HS3ST5: variants seen among roughly 807,000 people sequenced by gnomAD.
HS3ST5 encodes the protein heparan sulfate glucosamine 3-O-sulfotransferase 5.
A neutral mutation model predicts 25.4 loss-of-function variants in HS3ST5; 10 were observed. The ratio of observed to expected loss-of-function variants is 0.39; its 90% CI spans 0.24 to 0.67. The LOEUF (loss-of-function observed/expected upper bound fraction) is 0.67, where lower values mean the gene tolerates loss of function less well. Among genes scored for constraint, HS3ST5 ranks in the 30% least tolerant of loss-of-function variants. The pLI is 0.44. For synonymous variants in HS3ST5, 170 were observed against 162.4 expected (o/e 1.05, Z -0.36); for missense variants, 324 against 420.7 (o/e 0.77, Z 2.01).
At chr6:114,159,341 G>A (rs1778834823) in intron 3 of HS3ST5, among the ~76,000 whole-genome samples, 1 of 152,084 alleles carries the variant, frequency 6.6e-6, no homozygotes, top group African/African-American at 2.4e-5. Flanking sequence ...AATCAAAGCA[G>A]TGATCATCAA....
intron 1 of HS3ST5, among the ~76,000 whole-genome samples, chr6:114,256,237 A>C (rs1411677943): frequency 6.6e-6 from 1 of 151,900 alleles, no homozygotes; most frequent in Non-Finnish European, 1.5e-5. Context: ...AAACACAAAA[A>C]ATTAGCTGGG....
At chr6:114,318,645 C>A (rs1775841588) in intron 1 of HS3ST5, among the ~76,000 whole-genome samples, 1 of 152,128 alleles carries the variant, frequency 6.6e-6, no homozygotes, top group South Asian at 2.1e-4. Flanking sequence ...GCAGGTTATA[C>A]CCTAAGCCTA....
chr6:114,342,564 C>A lies in HS3ST5; in HGVS notation c.-708G>T, dbSNP rs1463007618. On this transcript the variant is annotated 5_prime_UTR_variant, in exon 1 of 5. Transcript: ENST00000312719. ...AACCAGGTGCGGCAGGGCGCGCTCC[C>A]GTGGCGCGGGCACGGCACGGGCGGC... 1.3e-5 allele frequency: 2 copies of A among 154,266 alleles called. No homozygotes were observed. Among genetic ancestry groups the A allele is most frequent in the South Asian group, 1.7e-4 (1 of 5,728 alleles). The allele number at this position is 154,266 out of a possible 1,614,324, so 9.6% of individuals were successfully genotyped here.
At chr6:114,296,406 G>A (rs1190806932) in intron 1 of HS3ST5, among the ~76,000 whole-genome samples, 2 of 152,126 alleles carry the variant, frequency 1.3e-5, no homozygotes, top group Non-Finnish European at 2.9e-5. Flanking sequence ...TAGTACATAT[G>A]TATACTTACT....
chr6:114,289,675 C>T (rs895413903), intron 1 of HS3ST5, among the ~76,000 whole-genome samples: 3 of 152,078 alleles, frequency 2.0e-5, no homozygotes, highest in Non-Finnish European at 2.9e-5. Flanking sequence ...TATCTATCTC[C>T]TCAGGAAGAC....
chr6:114,171,646 A>G (rs2115004314), intron 2 of HS3ST5, among the ~76,000 whole-genome samples: 1 of 152,286 alleles, frequency 6.6e-6, no homozygotes, highest in South Asian at 2.1e-4. Flanking sequence ...GAGGCTTGGA[A>G]AGACTAAGGA....
At chr6:114,324,346 C>T (rs550515590) in intron 1 of HS3ST5, among the ~76,000 whole-genome samples, 22 of 152,320 alleles carry the variant, frequency 1.4e-4, no homozygotes, top group South Asian at 4.1e-4. Context: ...TAGTTTCTTA[C>T]GTGAGCAGGT....
intron 2 of HS3ST5, among the ~76,000 whole-genome samples, chr6:114,188,221 C>T (rs759028608): frequency 3.9e-5 from 6 of 152,094 alleles, no homozygotes; most frequent in Non-Finnish European, 5.9e-5. Context: ...CGACACTTAT[C>T]CCATAAGGTA....
chr6:114,073,085 A>G (rs868016374), intron 3 of HS3ST5, among the ~76,000 whole-genome samples: 4 of 152,250 alleles, frequency 2.6e-5, no homozygotes, highest in South Asian at 2.1e-4. Flanking sequence ...AAAACTGGCT[A>G]GCCATATGTA....
At chr6:114,290,761 G>A (rs1413080897) in intron 1 of HS3ST5, among the ~76,000 whole-genome samples, 4 of 151,576 alleles carry the variant, frequency 2.6e-5, no homozygotes, top group African/African-American at 9.7e-5. Flanking sequence ...CACTTGTATT[G>A]GTACTGTCAT....
At chr6:114,206,489 A>C (rs1467206272) in intron 2 of HS3ST5, among the ~76,000 whole-genome samples, 1 of 152,142 alleles carries the variant, frequency 6.6e-6, no homozygotes, top group African/African-American at 2.4e-5. Context: ...AAAAATTCTT[A>C]TTAACTCAGT....
intron 1 of HS3ST5, among the ~76,000 whole-genome samples, chr6:114,255,511 A>C (rs983796924): frequency 6.6e-6 from 1 of 151,784 alleles, no homozygotes; most frequent in African/African-American, 2.4e-5. Context: ...CCCAGTGGGA[A>C]CTCTGTGTGG....
At chr6:114,098,711 T>C (rs1278519490) in intron 3 of HS3ST5, among the ~76,000 whole-genome samples, 1 of 151,912 alleles carries the variant, frequency 6.6e-6, no homozygotes, top group African/African-American at 2.4e-5. Context: ...TTCTGGATAA[T>C]ATCTTCTGAG....
intron 2 of HS3ST5, among the ~76,000 whole-genome samples, chr6:114,219,802 C>A (rs1396488948): frequency 2.6e-5 from 4 of 151,956 alleles, no homozygotes; most frequent in Non-Finnish European, 5.9e-5. Flanking sequence ...TTGAATGGTA[C>A]CATGTGTACT....
intron 3 of HS3ST5, among the ~76,000 whole-genome samples, chr6:114,077,753 A>C (rs2114752809): frequency 6.6e-6 from 1 of 152,308 alleles, no homozygotes; most frequent in African/African-American, 2.4e-5. Flanking sequence ...CAGAAAGCCA[A>C]CTTTTAAATT....
chr6:114,254,451 A>T (rs1772808889), intron 1 of HS3ST5, among the ~76,000 whole-genome samples: 1 of 152,272 alleles, frequency 6.6e-6, no homozygotes, highest in African/African-American at 2.4e-5. Flanking sequence ...TTGCAAGTCA[A>T]GAAAGAGAGT....
rs1459300158 is a variant in HS3ST5 at position 114,084,239 on chromosome 6, T to C, written c.-32-21362A>G. ...ATGGGAGCTGCAGACCAGTCTTCCG[T>C]GGCAGGCTGAGCACTCCAATATTCA... is the stretch of plus-strand genomic sequence containing the variant. On this transcript the variant is annotated intron_variant, in intron 3 of 4. Coordinates refer to ENST00000312719, the MANE Select transcript of HS3ST5 (RefSeq NM_153612.4). 3 of 1,081,984 alleles carry C rather than the reference T, an allele frequency of 2.8e-6. No individual in the cohort carries two copies. In the African/African-American group the frequency reaches 4.6e-5, roughly 17 times the overall value. The allele number at this position is 1,081,984 out of a possible 1,614,324, so 67.0% of individuals were successfully genotyped here. A position where few individuals can be genotyped will look rare whatever the true frequency, so the allele number is the denominator to read the frequency against.
At chr6:114,093,859 T>C (rs1201667957) in intron 3 of HS3ST5, among the ~76,000 whole-genome samples, 9 of 152,146 alleles carry the variant, frequency 5.9e-5, no homozygotes, top group Admixed American at 5.2e-4. Flanking sequence ...CATTAGATAA[T>C]AGACCTTCTA....
intron 1 of HS3ST5, among the ~76,000 whole-genome samples, chr6:114,294,846 T>C (rs1464480015): frequency 6.6e-6 from 1 of 152,248 alleles, no homozygotes; most frequent in African/African-American, 2.4e-5. Flanking sequence ...TTGGAAATCC[T>C]TACAAAGATC....
Sources: gnomAD v4.1 joint callset for allele counts (sites outside exome capture counted in the v4.1 genomes callset) on GRCh38, gnomAD v4.1.1 for gene constraint, MANE v1.5 for transcripts, NCBI Gene and HGNC (gene_info 2026-07-23, HGNC 2026-07-21) for gene names.